The following PDIA3 variants were observed in gnomAD, a reference collection of about 807,000 sequenced individuals.
PDIA3 encodes protein disulfide-isomerase A3.
A neutral mutation model predicts 56.9 loss-of-function variants in PDIA3; 16 were observed. The ratio of observed to expected loss-of-function variants is 0.28; its 90% CI spans 0.19 to 0.43. The LOEUF (loss-of-function observed/expected upper bound fraction) is 0.43, where lower values mean the gene tolerates loss of function less well. Among genes scored for constraint, PDIA3 ranks in the 20% least tolerant of loss-of-function variants. The pLI is 1.00. For missense variants in PDIA3, 485 were observed against 621.3 expected (o/e 0.78, Z 2.33); for synonymous variants, 192 against 216.5 (o/e 0.89, Z 0.99).
At chr15:43,762,983 A>G in intron 4 of PDIA3, 94 bp from the exon 5 acceptor site, 2 of 1,243,696 alleles carry the variant, frequency 1.6e-6, no homozygotes, top group Admixed American at 4.2e-5. Context: ...ATAGAATGAA[A>G]TGTTTATGGT....
At chr15:43,756,528 A>T in intron 2 of PDIA3, 121 bp from the exon 3 acceptor site, 1 of 685,592 alleles carries the variant, frequency 1.5e-6, no homozygotes, top group Non-Finnish European at 2.6e-6. Context: ...GTTCTGTGGC[A>T]TATATGCCAA....
Position 43,771,729 on chromosome 15 carries a change from A to G in PDIA3, c.*511A>G, listed in dbSNP as rs986783686. On this transcript the variant is annotated 3_prime_UTR_variant, in exon 13 of 13. Transcript: ENST00000300289. ...TAATTTAAATAGCCATACAGTTGCT[A>G]CCATACTGGTCACGGCAGCTGTAGA... 1.5e-4 allele frequency: 61 copies of G among 398,270 alleles called. 1 individual carries two copies. In the Middle Eastern group the frequency reaches 2.5e-3, roughly 16 times the overall value. 24.7% of individuals were successfully genotyped at this position (398,270 alleles called of 1,614,324 possible).
chr15:43,756,888 GGTCA>G, intron 3 of PDIA3, 122 bp downstream of exon 3: 1 of 584,740 alleles, frequency 1.7e-6, no homozygotes, highest in Non-Finnish European at 3.1e-6. Context: ...TCATCTAAGA[GGTCA>G]GTTTGGTGGT....
rs2086707038 is a variant in PDIA3, at chr15:43,746,608, T to C, written c.69T>C (p.Ala23=). ...TTCTTGCCGCGGCCCGCCTCGCCGC[T>C]GCCTCCGACGTGCTAGAACTCACGG... ...ALLLAAARLA[A]ASDVLELTDD... is the part of the protein sequence containing the mutation. Residue 23 remains alanine, a synonymous_variant, in exon 1 of 13, where the codon GCT becomes GCC. Coordinates refer to ENST00000300289, the MANE Select transcript of PDIA3 (RefSeq NM_005313.5). The C allele has an allele frequency of 1.2e-6, 2 of 1,612,610 alleles. No individual in the cohort carries two copies. The highest frequency in any genetic ancestry group is 1.7e-6 in the Non-Finnish European group (2 of 1,179,842).
chr15:43,772,151 C>G lies in PDIA3; in HGVS notation c.*933C>G, dbSNP rs1486772941. The G allele has an allele frequency of 6.6e-6, 1 of 152,442 alleles. No homozygotes were observed. The highest frequency in any genetic ancestry group is 2.4e-5 in the African/African-American group (1 of 41,462). 9.4% of individuals were successfully genotyped at this position (152,442 alleles called of 1,614,324 possible). A position where few individuals can be genotyped will look rare whatever the true frequency, so the allele number is the denominator to read the frequency against. On this transcript the variant is annotated 3_prime_UTR_variant, in exon 13 of 13. Transcript: ENST00000300289. ...TAGTTATGAGTGAAGCATCCACTTT[C>G]TTTTGTAACAATGAGGAACAGAAAG... is the stretch of plus-strand genomic sequence containing the variant.
chr15:43,752,815 C>G, intron 1 of PDIA3: 2 of 471,100 alleles, frequency 4.2e-6, no homozygotes, highest in Non-Finnish European at 8.8e-6. Context: ...ACAGAACTCA[C>G]CTTCTCAACG....
intron 9 of PDIA3, among the ~76,000 whole-genome samples, chr15:43,768,894 G>A (rs1279909511): frequency 6.6e-6 from 1 of 152,002 alleles, no homozygotes; most frequent in South Asian, 2.1e-4. Context: ...CATGGTGGCG[G>A]GCGCCTGTAA....
rs550016850 is a variant in PDIA3, at chr15:43,769,482, T to C, written c.1138-36T>C. The stretch of plus-strand genomic sequence containing the variant: ...AAATACAGTTGTGAATTTATTTTTT[T>C]ATGTTACCAACTAGAGATTCTTCTG... On this transcript the variant is annotated intron_variant, in intron 9 of 12. Transcript: ENST00000300289. 127 of 1,602,256 alleles carry C rather than the reference T, an allele frequency of 7.9e-5. No homozygotes were observed. In the African/African-American group the frequency reaches 1.5e-3, roughly 19 times the overall value.
At chr15:43,750,421 A>G (rs1265603980) in intron 1 of PDIA3, among the ~76,000 whole-genome samples, 1 of 152,098 alleles carries the variant, frequency 6.6e-6, no homozygotes, top group East Asian at 1.9e-4. Context: ...TCTCTGGGGA[A>G]ATAACACTAT....
chr15:43,751,047 G>A (rs1038631478), intron 1 of PDIA3, among the ~76,000 whole-genome samples: 2 of 151,194 alleles, frequency 1.3e-5, no homozygotes, highest in African/African-American at 4.9e-5. Context: ...CAGGAGAATT[G>A]CTTGAACCTG....
At chr15:43,757,445 C>G (rs1356707798) in intron 3 of PDIA3, among the ~76,000 whole-genome samples, 1 of 151,906 alleles carries the variant, frequency 6.6e-6, no homozygotes, top group African/African-American at 2.4e-5. Flanking sequence ...GTAGTCCTAG[C>G]TGCTCGGGAG....
intron 12 of PDIA3, among the ~76,000 whole-genome samples, 195 bp downstream of exon 12, chr15:43,770,775 C>G (rs1017324928): frequency 6.6e-6 from 1 of 152,076 alleles, no homozygotes; most frequent in Non-Finnish European, 1.5e-5. Context: ...CTCAGCCTCC[C>G]GAGTAGCTGG....
intron 6 of PDIA3, 32 bp downstream of exon 6, chr15:43,765,598 T>C: frequency 1.5e-6 from 2 of 1,322,278 alleles, no homozygotes; most frequent in South Asian, 2.4e-5. Context: ...GTCTGGGATT[T>C]ATTTGCTTGA....
At chr15:43,767,388 T>C (rs2086854463) in intron 8 of PDIA3, among the ~76,000 whole-genome samples, 1 of 152,000 alleles carries the variant, frequency 6.6e-6, no homozygotes, top group Non-Finnish European at 1.5e-5. Context: ...TAAATACATA[T>C]AGGTACTTTA....
chr15:43,748,716 G>T (rs2086723371), intron 1 of PDIA3, among the ~76,000 whole-genome samples: 1 of 151,718 alleles, frequency 6.6e-6, no homozygotes, highest in Admixed American at 6.6e-5. Context: ...GAAGTCTCCT[G>T]TTGAGGTCTT....
At chr15:43,749,944 CA>C (rs950397234) in intron 1 of PDIA3, among the ~76,000 whole-genome samples, 1 of 149,936 alleles carries the variant, frequency 6.7e-6, no homozygotes, top group Non-Finnish European at 1.5e-5. Flanking sequence ...GAGACCATCT[CA>C]AAAAAGAAAG....
intron 2 of PDIA3, among the ~76,000 whole-genome samples, chr15:43,754,497 C>T (rs1031861379): frequency 1.3e-5 from 2 of 151,608 alleles, no homozygotes; most frequent in Non-Finnish European, 2.9e-5. Flanking sequence ...AATTCCAGCA[C>T]TTTGGGATGA....
intron 1 of PDIA3, among the ~76,000 whole-genome samples, chr15:43,748,021 A>G (rs1190152975): frequency 6.6e-6 from 1 of 152,308 alleles, no homozygotes; most frequent in African/African-American, 2.4e-5. Flanking sequence ...TCCCAATTAT[A>G]TAATCATGCT....
At chr15:43,752,342 C>T (rs2086749945) in intron 1 of PDIA3, among the ~76,000 whole-genome samples, 1 of 152,192 alleles carries the variant, frequency 6.6e-6, no homozygotes, top group Non-Finnish European at 1.5e-5. Flanking sequence ...ATGAATAAGA[C>T]CCTATTTCAC....
Sources: gnomAD v4.1 joint callset for allele counts (sites outside exome capture counted in the v4.1 genomes callset) on GRCh38, gnomAD v4.1.1 for gene constraint, MANE v1.5 for transcripts, NCBI Gene and HGNC (gene_info 2026-07-23, HGNC 2026-07-21) for gene names.